The following C1orf56 variants were observed in gnomAD, a reference collection of about 807,000 sequenced individuals.
C1orf56 encodes the protein chromosome 1 open reading frame 56, also known as protein MENT.
C1orf56 carries 14 observed loss-of-function variants against 20.7 expected under a neutral mutation model. The observed-to-expected ratio is 0.68, with a 90% CI of 0.45 to 1.06. The LOEUF (loss-of-function observed/expected upper bound fraction) is 1.06. Ranked by LOEUF, C1orf56 falls within the 50% of genes least tolerant of loss-of-function variation. The probability of loss-of-function intolerance (pLI) is 0.00; values close to 1 mark genes in which losing one functional copy is unlikely to be tolerated. For synonymous variants in C1orf56, 187 were observed against 194.7 expected, an observed-to-expected ratio of 0.96 and a Z score of 0.33; for missense variants, 424 against 451.4, an observed-to-expected ratio of 0.94 and a Z score of 0.55.
At position 151,048,873 on chromosome 1, in the gene C1orf56, C is replaced by T. The variant is rs761053890; in HGVS notation, c.1005+21C>T. ...AACCAGTAAGTGTTTGGTGATGAGCCAGGGTCTTTGTTGACGGATCTGAAA... is the reference window on the plus strand; with the variant it reads ...AACCAGTAAGTGTTTGGTGATGAGCTAGGGTCTTTGTTGACGGATCTGAAA... On this transcript the variant is annotated intron_variant, in intron 1 of 1. Transcript: ENST00000368926. The surrounding 1 kb of genome is among the most constrained non-coding windows in gnomAD (Gnocchi z 4.8). 1 of 1,522,136 alleles carries T rather than the reference C, an allele frequency of 6.6e-7. No homozygotes were observed. Among genetic ancestry groups the T allele is most frequent in the South Asian group, 1.3e-5 (1 of 76,510 alleles). The allele number at this position is 1,522,136 out of a possible 1,614,324, so 94.3% of individuals were successfully genotyped here.
rs1676158283 is a variant in C1orf56 at position 151,050,630 on chromosome 1, T to C, written c.*172T>C. On this transcript the variant is annotated 3_prime_UTR_variant, in exon 2 of 2. Transcript: ENST00000368926. ...GGGAGGAGAGACATAAATCCCTTCATCCCTAAGACTGAACTATGTAACTAG... is the reference window on the plus strand; with the variant it reads ...GGGAGGAGAGACATAAATCCCTTCACCCCTAAGACTGAACTATGTAACTAG... 1.7e-6 allele frequency: 1 copy of C among 599,750 alleles called. No homozygotes were observed. 37.2% of individuals were successfully genotyped at this position (599,750 alleles called of 1,614,324 possible).
Position 151,047,878 on chromosome 1 carries a change from G to A in C1orf56, c.31G>A (p.Val11Ile), listed in dbSNP as rs1356491364. ...CCCCGCCGCCGGCGCGCTGCTGTGGGTCCTGCTGCTGAATCTGGGTCCCCG... is the reference window on the plus strand; with the variant it reads ...CCCCGCCGCCGGCGCGCTGCTGTGGATCCTGCTGCTGAATCTGGGTCCCCG... MVPAAGALLWVLLLNLGPRAA... is the reference protein window; with the variant it reads MVPAAGALLWILLLNLGPRAA... Residue 11 changes from valine to isoleucine, a missense_variant, in exon 1 of 2, where the codon GTC becomes ATC. By Grantham distance (29) the Val-to-Ile change is conservative. Transcript: ENST00000368926. 3 of 1,600,322 alleles carry A rather than the reference G, an allele frequency of 1.9e-6. No homozygotes were observed. The highest frequency in any genetic ancestry group is 2.7e-5 in the African/African-American group (2 of 74,622).
chr1:151,047,936 C>G lies in C1orf56; in HGVS notation c.89C>G (p.Pro30Arg), dbSNP rs1433220720. The change falls in exon 1 of 2, where the codon CCG becomes CGG. Residue 30 changes from proline to arginine, a missense_variant. Pro to Arg is a moderately radical substitution (Grantham distance 103, BLOSUM62 -2). Transcript: ENST00000368926. ...GGGGCCCAAGGCCTGACCCAGACTC[C>G]GACCGAAATGCAGCGGGTCAGTTTA... The part of the protein sequence containing the change: ...AAGAQGLTQT[P>R]TEMQRVSLRF... 3.7e-6 allele frequency: 6 copies of G among 1,613,150 alleles called. No individual in the cohort carries two copies. The highest frequency in any genetic ancestry group is 5.1e-6 in the Non-Finnish European group (6 of 1,179,848).
Position 151,050,748 on chromosome 1 carries a change from ACTT to A in C1orf56, c.*294_*296del. On this transcript the variant is annotated 3_prime_UTR_variant, in exon 2 of 2. Transcript: ENST00000368926. ...TTTCCAACATTGTTTTAAAACAAGT[ACTT>A]CTTTTACAGGCTTGAAAAATCTCAA... The A allele has an allele frequency of 6.2e-6, 2 of 321,118 alleles. No homozygotes were observed. The highest frequency in any genetic ancestry group is 1.1e-5 in the Non-Finnish European group (2 of 176,600). The allele number at this position is 321,118 out of a possible 1,614,324, so 19.9% of individuals were successfully genotyped here.
intron 1 of C1orf56, among the ~76,000 whole-genome samples, chr1:151,049,945 A>C (rs929149416): frequency 2.0e-5 from 3 of 152,256 alleles, no homozygotes; most frequent in Non-Finnish European, 4.4e-5. Flanking sequence ...AGGTCTTACT[A>C]TGTGCACTTT....
At position 151,048,895 on chromosome 1, in the gene C1orf56, G is replaced by T; in HGVS notation, c.1005+43G>T. On this transcript the variant is annotated intron_variant, in intron 1 of 1. Coordinates refer to ENST00000368926, the MANE Select transcript of C1orf56 (RefSeq NM_017860.5). The surrounding 1 kb of genome is among the most constrained non-coding windows in gnomAD (Gnocchi z 4.8). ...AGCCAGGGTCTTTGTTGACGGATCT[G>T]AAAAGTCCTGGTATCTAAAACCCAG... 1 of 1,512,350 alleles carries T rather than the reference G, an allele frequency of 6.6e-7. No homozygotes were observed. Among genetic ancestry groups the T allele is most frequent in the South Asian group, 1.3e-5 (1 of 74,580 alleles). 93.7% of individuals were successfully genotyped at this position (1,512,350 alleles called of 1,614,324 possible). A position where few individuals can be genotyped will look rare whatever the true frequency, so the allele number is the denominator to read the frequency against.
chr1:151,050,861 CCT>C lies in C1orf56; in HGVS notation c.*409_*410del, dbSNP rs1194807834. On this transcript the variant is annotated 3_prime_UTR_variant, in exon 2 of 2. Transcript: ENST00000368926. ...TGGTCTTCTTGCCTTCATGCTTGGC[CCT>C]CTCTCCTCAAAAGGGCAATGTTGGT... 5.9e-6 allele frequency: 1 copy of C among 168,866 alleles called. No homozygotes were observed. Among genetic ancestry groups the C allele is most frequent in the African/African-American group, 2.4e-5 (1 of 42,016 alleles). 10.5% of individuals were successfully genotyped at this position (168,866 alleles called of 1,614,324 possible).
rs1167677871 is a variant in C1orf56, at chr1:151,048,356, C to G, written c.509C>G (p.Ala170Gly). 1 of 1,613,516 alleles carries G rather than the reference C, an allele frequency of 6.2e-7. No homozygotes were observed. Among genetic ancestry groups the G allele is most frequent in the Non-Finnish European group, 8.5e-7 (1 of 1,179,944 alleles). The change falls in exon 1 of 2, where the codon GCC becomes GGC. Residue 170 changes from alanine to glycine, a missense_variant. Transcript: ENST00000368926. This position sits in a 1 kb window ranked among gnomAD's most constrained non-coding sequence, Gnocchi z 4.8. ...RSTEDLPGSQ[A>G]TLSQWSTPGS... ...ACTGAGGACCTGCCAGGCTCGCAGG[C>G]CACCCTGAGCCAGTGGTCCACACCT...
Position 151,047,918 on chromosome 1 carries a change from A to C in C1orf56, c.71A>C (p.Gln24Pro). 1 of 1,611,932 alleles carries C rather than the reference A, an allele frequency of 6.2e-7. No individual in the cohort carries two copies. Among genetic ancestry groups the C allele is most frequent in the Non-Finnish European group, 8.5e-7 (1 of 1,179,342 alleles). ...CTGGGTCCCCGGGCGGCGGGGGCCC[A>C]AGGCCTGACCCAGACTCCGACCGAA... The part of the protein sequence containing the change: ...LNLGPRAAGA[Q>P]GLTQTPTEMQ... The change falls in exon 1 of 2, where the codon CAA becomes CCA. Residue 24 changes from glutamine (Q) to proline (P), a missense_variant. By Grantham distance (76) the Gln-to-Pro change is moderately conservative. Coordinates refer to ENST00000368926, the MANE Select transcript of C1orf56 (RefSeq NM_017860.5).
Position 151,048,763 on chromosome 1 carries a change from T to C in C1orf56, c.916T>C (p.Cys306Arg). 6.2e-7 allele frequency: 1 copy of C among 1,613,640 alleles called. No individual in the cohort carries two copies. Among genetic ancestry groups the C allele is most frequent in the Non-Finnish European group, 8.5e-7 (1 of 1,179,812 alleles). ...SSPSLPPASPCPALAFWKRVR... is the reference protein window; with the variant it reads ...SSPSLPPASPRPALAFWKRVR... ...TCCCAGCCTGCCACCCGCCAGCCCC[T>C]GCCCAGCCCTGGCTTTTTGGAAACG... is the stretch of plus-strand genomic sequence containing the variant. Residue 306 changes from cysteine (C) to arginine (R), a missense_variant, in exon 1 of 2, where the codon TGC (cysteine) becomes CGC (arginine). Transcript: ENST00000368926. The surrounding 1 kb of genome is among the most constrained non-coding windows in gnomAD (Gnocchi z 4.8).
rs773035845 is a variant in C1orf56 at position 151,050,459 on chromosome 1, T to G, written c.*1T>G. On this transcript the variant is annotated 3_prime_UTR_variant, in exon 2 of 2. Transcript: ENST00000368926. The stretch of plus-strand genomic sequence containing the variant: ...GCAGATAGACAGAAACCAGAGGTAA[T>G]GGCCACTTCATCCACATGAGGAGAT... 10 of 1,610,590 alleles carry G rather than the reference T, an allele frequency of 6.2e-6. No homozygotes were observed. The highest frequency in any genetic ancestry group is 8.5e-6 in the Non-Finnish European group (10 of 1,178,740).
At position 151,047,874 on chromosome 1, in the gene C1orf56, G is replaced by C; in HGVS notation, c.27G>C (p.Leu9=). The change falls in exon 1 of 2, where the codon CTG becomes CTC. Residue 9 remains leucine, a synonymous_variant. Coordinates refer to ENST00000368926, the MANE Select transcript of C1orf56 (RefSeq NM_017860.5). The part of the protein sequence containing the change: MVPAAGAL[L]WVLLLNLGPR... ...TGGTCCCCGCCGCCGGCGCGCTGCT[G>C]TGGGTCCTGCTGCTGAATCTGGGTC... is the stretch of plus-strand genomic sequence containing the variant. The C allele has an allele frequency of 1.3e-6, 2 of 1,597,710 alleles. No homozygotes were observed. The highest frequency in any genetic ancestry group is 1.7e-6 in the Non-Finnish European group (2 of 1,172,696).
At chr1:151,050,073 C>G (rs1676145074) in intron 1 of C1orf56, among the ~76,000 whole-genome samples, 1 of 152,200 alleles carries the variant, frequency 6.6e-6, no homozygotes. Flanking sequence ...AGGTTTGACA[C>G]CAGTGCCCAC....
chr1:151,049,652 A>G (rs1676137702), intron 1 of C1orf56: 1 of 151,288 alleles, frequency 6.6e-6, no homozygotes, highest in Admixed American at 6.6e-5. Flanking sequence ...TTCTGGGCTC[A>G]AGCAATCCTC....
At position 151,048,858 on chromosome 1, in the gene C1orf56, T is replaced by A; in HGVS notation, c.1005+6T>A. ...TGTTCACAGAGATGCAACCAGTAAGTGTTTGGTGATGAGCCAGGGTCTTTG... is the reference window on the plus strand; with the variant it reads ...TGTTCACAGAGATGCAACCAGTAAGAGTTTGGTGATGAGCCAGGGTCTTTG... On this transcript the variant is annotated splice_donor_region_variant and intron_variant, in intron 1 of 1. Coordinates refer to ENST00000368926, the MANE Select transcript of C1orf56 (RefSeq NM_017860.5). The surrounding 1 kb of genome is among the most constrained non-coding windows in gnomAD (Gnocchi z 4.8). 1 of 1,531,520 alleles carries A rather than the reference T, an allele frequency of 6.5e-7. No homozygotes were observed. The highest frequency in any genetic ancestry group is 1.4e-5 in the African/African-American group (1 of 72,426). The allele number at this position is 1,531,520 out of a possible 1,614,324, so 94.9% of individuals were successfully genotyped here.
Position 151,048,312 on chromosome 1 carries a change from G to A in C1orf56, c.465G>A (p.Pro155=), listed in dbSNP as rs1469186245. Residue 155 remains proline (P), a synonymous_variant, in exon 1 of 2, where the codon CCG becomes CCA. Coordinates refer to ENST00000368926, the MANE Select transcript of C1orf56 (RefSeq NM_017860.5). The surrounding 1 kb of genome is among the most constrained non-coding windows in gnomAD (Gnocchi z 4.8). ...EPEIRLTSSL[P]RSPGRSTEDL... is the part of the protein sequence containing the mutation. The stretch of plus-strand genomic sequence containing the variant: ...AAATCAGGCTGACTTCAAGCCTGCC[G>A]CGCTCCCCCGGGAGGTCTACTGAGG... 9 of 1,614,144 alleles carry A rather than the reference G, an allele frequency of 5.6e-6. No homozygotes were observed. Among genetic ancestry groups the A allele is most frequent in the Non-Finnish European group, 7.6e-6 (9 of 1,180,016 alleles).
At position 151,048,468 on chromosome 1, in the gene C1orf56, C is replaced by T; in HGVS notation, c.621C>T (p.Gly207=). ...TGCGGCTGGTGCTGATGCCCTGGGG[C>T]CCGTGGCACTGCCACTGCAAGTCGG... The part of the protein sequence containing the change: ...EDLRLVLMPW[G]PWHCHCKSGT... Residue 207 remains glycine, a synonymous_variant, in exon 1 of 2, where the codon GGC becomes GGT. Transcript: ENST00000368926. The surrounding 1 kb of genome is among the most constrained non-coding windows in gnomAD (Gnocchi z 4.8). The T allele has an allele frequency of 6.2e-7, 1 of 1,608,472 alleles. No homozygotes were observed. Among genetic ancestry groups the T allele is most frequent in the East Asian group, 2.2e-5 (1 of 44,888 alleles).
intron 1 of C1orf56, chr1:151,049,754 A>G (rs587736997): frequency 6.6e-6 from 1 of 151,686 alleles, no homozygotes; most frequent in South Asian, 2.1e-4. Flanking sequence ...CTGGTCTCCA[A>G]CTCCTGAGCT....
chr1:151,049,538 G>A (rs1676133887), intron 1 of C1orf56: 1 of 151,594 alleles, frequency 6.6e-6, no homozygotes, highest in South Asian at 2.1e-4. Context: ...TTACAGGCAT[G>A]AGCTACTGTG....
Sources: gnomAD v4.1 joint callset for allele counts (sites outside exome capture counted in the v4.1 genomes callset) on GRCh38, gnomAD v4.1.1 for gene constraint, Gnocchi (gnomAD v3.1) non-coding constraint, MANE v1.5 for transcripts, NCBI Gene and HGNC (gene_info 2026-07-23, HGNC 2026-07-21) for gene names.